The following NDUFS5 variants were observed in gnomAD, a reference collection of about 807,000 sequenced individuals.
NDUFS5 encodes NADH dehydrogenase [ubiquinone] iron-sulfur protein 5.
NDUFS5 carries 7 observed loss-of-function variants against 10.5 expected under a neutral mutation model. The observed-to-expected ratio is 0.66, with a 90% CI of 0.38 to 1.25. The LOEUF is 1.25. Ranked by LOEUF, NDUFS5 falls within the 50% of genes most tolerant of loss-of-function variation. The probability of loss-of-function intolerance (pLI) is 0.02; values close to 1 mark genes in which losing one functional copy is unlikely to be tolerated. For synonymous variants in NDUFS5, 38 were observed against 44.0 expected, an observed-to-expected ratio of 0.86 and a Z score of 0.54; for missense variants, 148 against 140.7, an observed-to-expected ratio of 1.05 and a Z score of -0.26.
At chr1:39,032,073 C>T (rs1356439739) in intron 2 of NDUFS5, among the ~76,000 whole-genome samples, 2 of 152,026 alleles carry the variant, frequency 1.3e-5, no homozygotes, top group South Asian at 2.1e-4. Context: ...GCAGGAGAAT[C>T]GCTTGAACCC....
intron 2 of NDUFS5, 54 bp downstream of exon 2, chr1:39,028,994 CTTT>C (rs35464164): frequency 6.2e-4 from 731 of 1,179,734 alleles, no homozygotes; most frequent in South Asian, 7.1e-4. Context: ...CTTTGGGACT[CTTT>C]TTTTTTTTTT....
At chr1:39,029,847 C>T (rs909633089) in intron 2 of NDUFS5, among the ~76,000 whole-genome samples, 2 of 152,186 alleles carry the variant, frequency 1.3e-5, no homozygotes, top group African/African-American at 4.8e-5. Flanking sequence ...AATCCCAGGA[C>T]TTTGGGAGGC....
chr1:39,032,317 G>A (rs947079188), intron 2 of NDUFS5, among the ~76,000 whole-genome samples: 1 of 152,162 alleles, frequency 6.6e-6, no homozygotes, highest in African/African-American at 2.4e-5. Context: ...ACTGCTTTTA[G>A]CTCAGAGAAA....
At chr1:39,026,500 C>G (rs1163201300) in intron 1 of NDUFS5, 98 bp downstream of exon 1, 5 of 152,422 alleles carry the variant, frequency 3.3e-5, no homozygotes, top group African/African-American at 1.2e-4. Flanking sequence ...GTGTCCCCTT[C>G]TCCCAGACCT....
chr1:39,028,553 A>C (rs556952486), intron 1 of NDUFS5, among the ~76,000 whole-genome samples, 170 bp from the exon 2 acceptor site: 16 of 152,344 alleles, frequency 1.1e-4, no homozygotes, highest in African/African-American at 3.8e-4. Flanking sequence ...CATAAACTGG[A>C]AGAACCTATT....
chr1:39,034,189 G>GGT (rs1224571641), intron 2 of NDUFS5, among the ~76,000 whole-genome samples: 3 of 152,078 alleles, frequency 2.0e-5, no homozygotes, highest in African/African-American at 7.2e-5. Flanking sequence ...TTTTCAGAGA[G>GGT]GTTATGTATA....
chr1:39,034,092 A>C (rs1203051637), intron 2 of NDUFS5, among the ~76,000 whole-genome samples: 1 of 152,142 alleles, frequency 6.6e-6, no homozygotes, highest in African/African-American at 2.4e-5. Context: ...GATATTTTAA[A>C]AGATTTTAGT....
At chr1:39,031,697 C>T (rs141901783) in intron 2 of NDUFS5, among the ~76,000 whole-genome samples, 163 of 152,280 alleles carry the variant, frequency 1.1e-3, no homozygotes, top group African/African-American at 3.8e-3. Context: ...TCTAAGGTCA[C>T]TTCCTAATCC....
rs760373747 is a variant in NDUFS5 at position 39,027,581 on chromosome 1, G to GTTTTTTTTTTTTTTTTTTTTT, written c.-2-1127_-2-1126insTTTTTTTTTTTTTTTTTTTTT. Among the ~76,000 whole-genome samples the GTTTTTTTTTTTTTTTTTTTTT allele has an allele frequency of 3.3e-4, 30 of 91,156 alleles. 6 individuals are homozygous for GTTTTTTTTTTTTTTTTTTTTT. Among genetic ancestry groups the GTTTTTTTTTTTTTTTTTTTTT allele is most frequent in the Middle Eastern group, 6.9e-3 (1 of 144 alleles). The allele number at this position is 91,156 out of a possible 152,430, so 59.8% of individuals were successfully genotyped here. ...GTCTTAACCCATTTCTTTCGCTCTG[G>GTTTTTTTTTTTTTTTTTTTTT]TTTTTTTTTTTTTTTGAGACAGGAT... On this transcript the variant is annotated intron_variant, in intron 1 of 2. Coordinates refer to ENST00000372969, the MANE Select transcript of NDUFS5 (RefSeq NM_004552.3).
rs764615378 is a variant in NDUFS5, at chr1:39,034,423, G to A, written c.248G>A (p.Arg83Gln). ...MRRAGTIRKQ[R>Q]DKLIKEGKYT... is the part of the protein sequence containing the mutation. ...CGTGCAGGTACCATCAGGAAGCAGCGGGATAAGCTGATAAAGGAAGGAAAG... is the reference window on the plus strand; with the variant it reads ...CGTGCAGGTACCATCAGGAAGCAGCAGGATAAGCTGATAAAGGAAGGAAAG... The change falls in exon 3 of 3, where the codon CGG (arginine) becomes CAG (glutamine). Residue 83 changes from arginine (R) to glutamine (Q), a missense_variant. Transcript: ENST00000372969. 6.2e-6 allele frequency: 10 copies of A among 1,613,326 alleles called. No individual in the cohort carries two copies. Among genetic ancestry groups the A allele is most frequent in the South Asian group, 3.3e-5 (3 of 91,060 alleles).
At chr1:39,032,318 C>T (rs1009238857) in intron 2 of NDUFS5, among the ~76,000 whole-genome samples, 1 of 152,148 alleles carries the variant, frequency 6.6e-6, no homozygotes, top group Non-Finnish European at 1.5e-5. Context: ...CTGCTTTTAG[C>T]TCAGAGAAAG....
intron 2 of NDUFS5, among the ~76,000 whole-genome samples, chr1:39,032,440 G>A (rs1345830619): frequency 6.6e-6 from 1 of 152,036 alleles, no homozygotes; most frequent in Admixed American, 6.6e-5. Context: ...TTTATTTCAG[G>A]GTTTTTTCTA....
chr1:39,033,222 TC>T (rs1644202150), intron 2 of NDUFS5, among the ~76,000 whole-genome samples: 2 of 152,028 alleles, frequency 1.3e-5, no homozygotes, highest in African/African-American at 4.8e-5. Flanking sequence ...ATTGGCTATT[TC>T]TGCTTCATTC....
At chr1:39,030,685 A>C (rs1022331309) in intron 2 of NDUFS5, among the ~76,000 whole-genome samples, 9 of 150,162 alleles carry the variant, frequency 6.0e-5, no homozygotes, top group Admixed American at 2.7e-4. Context: ...GTGCCACTGC[A>C]CTCCAGCCTG....
intron 2 of NDUFS5, among the ~76,000 whole-genome samples, chr1:39,030,521 A>G (rs1262725743): frequency 6.6e-6 from 1 of 152,038 alleles, no homozygotes; most frequent in Non-Finnish European, 1.5e-5. Context: ...CCTGACCAAC[A>G]TGGTGAAACC....
In NDUFS5 at chr1:39,032,631, T is replaced by G. The variant is rs567106047; in HGVS notation, c.217-1761T>G. 2.6e-5 allele frequency among the ~76,000 whole-genome samples: 4 copies of G among 152,002 alleles called. No individual in the cohort carries two copies. In the East Asian group the frequency reaches 7.7e-4, roughly 29 times the overall value. On this transcript the variant is annotated intron_variant, in intron 2 of 2. Coordinates refer to ENST00000372969, the MANE Select transcript of NDUFS5 (RefSeq NM_004552.3). ...AAAAAAAATCTCAGAGTCAGTGAGC[T>G]TATGCTATAGTGGGAGGAAGAGCAG...
In NDUFS5 at chr1:39,032,154, ACT is replaced by A. The variant is rs1427210920; in HGVS notation, c.217-2235_217-2234del. Among the ~76,000 whole-genome samples, 17 of 152,242 alleles carry A rather than the reference ACT, an allele frequency of 1.1e-4. No individual in the cohort carries two copies. In the South Asian group the frequency reaches 1.2e-3, roughly 11 times the overall value. On this transcript the variant is annotated intron_variant, in intron 2 of 2. Transcript: ENST00000372969. ...ATCCAGCCTGAGCAACAAGAGTGAA[ACT>A]CTGTGTCAAAAAAACAAACAAATGA...
chr1:39,028,051 C>A (rs1644164290), intron 1 of NDUFS5, among the ~76,000 whole-genome samples: 1 of 146,196 alleles, frequency 6.8e-6, no homozygotes, highest in Non-Finnish European at 1.5e-5. Context: ...AACTCCTGAC[C>A]TCAGGTAATC....
chr1:39,027,811 C>CTTTTTTTTTTT (rs776540164), intron 1 of NDUFS5, among the ~76,000 whole-genome samples: 1 of 58,624 alleles, frequency 1.7e-5, no homozygotes, highest in Admixed American at 2.4e-4. Context: ...TTTTCTTCTT[C>CTTTTTTTTTTT]TTCTTTTTTT....
Sources: allele counts gnomAD v4.1 joint callset (sites outside exome capture counted in the v4.1 genomes callset), GRCh38; gene constraint gnomAD v4.1.1; transcripts MANE v1.5; gene names NCBI Gene and HGNC (gene_info 2026-07-23, HGNC 2026-07-21).